The following OTOG variants were observed in gnomAD, a reference collection of about 807,000 sequenced individuals.
OTOG encodes the protein otogelin.
In OTOG, 296 loss-of-function variants were observed where a neutral mutation model predicts 313.8. The ratio of observed to expected loss-of-function variants is 0.94; its 90% CI spans 0.86 to 1.04. OTOG has a LOEUF of 1.04. Ranked by LOEUF, OTOG falls within the 50% of genes least tolerant of loss-of-function variation. The pLI, the probability that OTOG is intolerant of heterozygous loss-of-function variation, is 0.00. For synonymous variants in OTOG, 1,533 were observed against 1,554.9 expected, an observed-to-expected ratio of 0.99 and a Z score of 0.33; for missense variants, 3,948 against 3,840.1, an observed-to-expected ratio of 1.03 and a Z score of -0.74.
Position 17,569,302 on chromosome 11 carries a change from T to A in OTOG, c.1777+14T>A, listed in dbSNP as rs111729422. ...CATACACAGATGGTACGGTTTGGGG[T>A]GGACAACAGACCTAGTTGGGAACTG... On this transcript the variant is annotated intron_variant, in intron 16 of 55. Coordinates refer to ENST00000399397, the MANE Select transcript of OTOG (RefSeq NM_001292063.2). 11 of 1,550,294 alleles carry A rather than the reference T, an allele frequency of 7.1e-6. No individual in the cohort carries two copies. The Admixed American group carries it at 1.2e-4, about 17-fold the overall frequency.
intron 1 of OTOG, chr11:17,547,692 A>C (rs1851839451): frequency 2.5e-6 from 2 of 786,572 alleles, no homozygotes; most frequent in Admixed American, 7.9e-5. Flanking sequence ...GGTGGAAGAG[A>C]CCCGAGGTGG....
chr11:17,548,019 C>A, intron 2 of OTOG, 32 bp downstream of exon 2: 1 of 1,017,172 alleles, frequency 9.8e-7, no homozygotes, highest in Non-Finnish European at 1.4e-6. Context: ...CGGCCCCACC[C>A]ACAGCTCCCA....
intron 22 of OTOG, 115 bp downstream of exon 22, chr11:17,577,026 G>A: frequency 9.4e-7 from 1 of 1,068,450 alleles, no homozygotes; most frequent in Non-Finnish European, 1.3e-6. Context: ...GCCCTACATT[G>A]GGCCTTCCGT....
chr11:17,574,764 C>T lies in OTOG; in HGVS notation c.2338C>T (p.Pro780Ser). 6.4e-7 allele frequency: 1 copy of T among 1,550,656 alleles called. No homozygotes were observed. Among genetic ancestry groups the T allele is most frequent in the Non-Finnish European group, 8.7e-7 (1 of 1,146,972 alleles). ...CAAGGAGTATAGCCCCTGCGTGGCC[C>T]CGTGTGGACGTACCTGCCAGGACCT... ...ASKEYSPCVA[P>S]CGRTCQDLAS... is the part of the protein sequence containing the mutation. Residue 780 changes from proline to serine, a missense_variant, in exon 20 of 56, where the codon CCG becomes TCG. Transcript: ENST00000399397.
chr11:17,555,871 C>T lies in OTOG; in HGVS notation c.633C>T (p.Ala211=), dbSNP rs1239526579. ...TGGGTGAGCAGGAGATCCATCTGGC[C>T]AAGGAGGTCACCCATGGAGGCATGA... ...FFVGEQEIHL[A]KEVTHGGMRV... Residue 211 remains alanine, a synonymous_variant, in exon 7 of 56, where the codon GCC becomes GCT. Coordinates refer to ENST00000399397, the MANE Select transcript of OTOG (RefSeq NM_001292063.2). 3.9e-5 allele frequency: 60 copies of T among 1,550,990 alleles called. No individual in the cohort carries two copies. The East Asian group carries it at 1.4e-3, about 36-fold the overall frequency.
At chr11:17,636,864 A>G (rs1854279697) in intron 47 of OTOG, among the ~76,000 whole-genome samples, 1 of 151,954 alleles carries the variant, frequency 6.6e-6, no homozygotes, top group Non-Finnish European at 1.5e-5. Context: ...TCTCTGAGCC[A>G]AGGTTGCTCA....
chr11:17,554,796 C>T (rs924804840), intron 6 of OTOG, among the ~76,000 whole-genome samples: 5 of 152,220 alleles, frequency 3.3e-5, no homozygotes, highest in African/African-American at 1.2e-4. Flanking sequence ...TAGACTAATG[C>T]ATTGCCATAC....
At chr11:17,593,938 G>T in intron 27 of OTOG, 109 bp from the exon 28 acceptor site, 6 of 1,454,358 alleles carry the variant, frequency 4.1e-6, no homozygotes, top group Non-Finnish European at 5.6e-6. Flanking sequence ...TGTGACCTCA[G>T]CAGTGGCTTC....
chr11:17,635,789 G>C (rs1270420669), intron 47 of OTOG, 78 bp downstream of exon 47: 1 of 1,222,660 alleles, frequency 8.2e-7, no homozygotes, highest in Non-Finnish European at 1.2e-6. Flanking sequence ...ACCAATGGGG[G>C]TTGACAGGGA....
chr11:17,643,357 A>T, intron 53 of OTOG, 104 bp from the exon 54 acceptor site: 3 of 729,078 alleles, frequency 4.1e-6, no homozygotes, highest in Non-Finnish European at 6.0e-6. Context: ...TCACGGGGAG[A>T]GAAGAGTCAA....
intron 29 of OTOG, among the ~76,000 whole-genome samples, chr11:17,596,424 A>G (rs1389408753): frequency 6.6e-6 from 1 of 152,200 alleles, no homozygotes; most frequent in African/African-American, 2.4e-5. Flanking sequence ...GTTCTTCTAA[A>G]TGGTGGACCC....
At chr11:17,615,032 C>T (rs570863590) in intron 39 of OTOG, among the ~76,000 whole-genome samples, 1 of 152,252 alleles carries the variant, frequency 6.6e-6, no homozygotes, top group South Asian at 2.1e-4. Context: ...CTTGGTGGCA[C>T]GTGTTTGTTT....
intron 24 of OTOG, among the ~76,000 whole-genome samples, chr11:17,590,501 C>G (rs1171272702): frequency 6.6e-6 from 1 of 152,222 alleles, no homozygotes; most frequent in Non-Finnish European, 1.5e-5. Flanking sequence ...TGATCTCTTC[C>G]CTGATGTGCT....
At chr11:17,574,353 C>A (rs1304570925) in intron 19 of OTOG, among the ~76,000 whole-genome samples, 1 of 152,026 alleles carries the variant, frequency 6.6e-6, no homozygotes, top group African/African-American at 2.4e-5. Context: ...TGGGCTCATG[C>A]ATGTGTCTAT....
At chr11:17,624,557 C>T (rs1032024281) in intron 39 of OTOG, among the ~76,000 whole-genome samples, 3 of 152,192 alleles carry the variant, frequency 2.0e-5, no homozygotes, top group African/African-American at 4.8e-5. Context: ...TTACTGTAGC[C>T]GTGAAGTATA....
chr11:17,640,037 G>C (rs943873867), intron 49 of OTOG, among the ~76,000 whole-genome samples: 2 of 151,580 alleles, frequency 1.3e-5, no homozygotes, highest in African/African-American at 2.4e-5. Flanking sequence ...GGTGGTAGTG[G>C]GGAAGGTGAG....
At chr11:17,633,557 C>G (rs375002845) in intron 42 of OTOG, 123 bp from the exon 43 acceptor site, 1 of 914,452 alleles carries the variant, frequency 1.1e-6, no homozygotes. Context: ...AACTTATGCA[C>G]TCTCTGCTGA....
chr11:17,582,581 G>A (rs1021493589), intron 23 of OTOG, among the ~76,000 whole-genome samples: 22 of 152,116 alleles, frequency 1.4e-4, no homozygotes, highest in African/African-American at 2.9e-4. Flanking sequence ...AATTTTACAC[G>A]TCCAGTATAT....
At position 17,585,051 on chromosome 11, in the gene OTOG, A is replaced by G. The variant is rs574842445; in HGVS notation, c.2760-1423A>G. ...ATCAGATTAATGCTGGTCTTATAAA[A>G]TGAGTTGGGAAGTATGATTTCCTTT... On this transcript the variant is annotated intron_variant, in intron 23 of 55. Coordinates refer to ENST00000399397, the MANE Select transcript of OTOG (RefSeq NM_001292063.2). Among the ~76,000 whole-genome samples, 12 of 152,346 alleles carry G rather than the reference A, an allele frequency of 7.9e-5. No homozygotes were observed. In the South Asian group the frequency reaches 2.5e-3, roughly 32 times the overall value.
Sources: allele counts gnomAD v4.1 joint callset (sites outside exome capture counted in the v4.1 genomes callset), GRCh38; gene constraint gnomAD v4.1.1; transcripts MANE v1.5; gene names NCBI Gene and HGNC (gene_info 2026-07-23, HGNC 2026-07-21).